The following NEBL variants were observed in gnomAD, a reference collection of about 807,000 sequenced individuals.
NEBL encodes nebulette.
NEBL carries 122 observed loss-of-function variants against 140.2 expected under a neutral mutation model. That is an observed-to-expected ratio of 0.87 (90% confidence interval 0.75 to 1.01). The LOEUF (loss-of-function observed/expected upper bound fraction) is 1.01. Ranked by LOEUF, NEBL falls within the 50% of genes least tolerant of loss-of-function variation. The probability of loss-of-function intolerance (pLI) is 0.00; values close to 1 mark genes in which losing one functional copy is unlikely to be tolerated. For missense variants in NEBL, 1,365 were observed against 1,231.3 expected, an observed-to-expected ratio of 1.11 and a Z score of -1.62; for synonymous variants, 436 against 398.9, an observed-to-expected ratio of 1.09 and a Z score of -1.11.
chr10:20,793,663 C>T (rs1028064650), intron 26 of NEBL, among the ~76,000 whole-genome samples: 2 of 151,942 alleles, frequency 1.3e-5, no homozygotes, highest in African/African-American at 2.4e-5. Context: ...AAGCGATCCT[C>T]CCACCACAGC....
intron 2 of NEBL, among the ~76,000 whole-genome samples, chr10:21,022,560 C>T (rs1044425303): frequency 1.3e-5 from 2 of 152,194 alleles, no homozygotes; most frequent in African/African-American, 4.8e-5. Context: ...GAGTTAACCC[C>T]ATAACTGCTG....
chr10:21,079,683 C>T (rs750258002), intron 2 of NEBL, among the ~76,000 whole-genome samples: 9 of 152,194 alleles, frequency 5.9e-5, no homozygotes, highest in Admixed American at 1.3e-4. Flanking sequence ...CTATCTGCCC[C>T]GTAAACACAC....
chr10:20,865,860 T>C (rs977324882), intron 7 of NEBL, among the ~76,000 whole-genome samples: 1 of 152,152 alleles, frequency 6.6e-6, no homozygotes, highest in Admixed American at 6.5e-5. Context: ...CAGGGAGCAG[T>C]TGTGTCCACT....
chr10:21,010,660 AG>A (rs1838303326), intron 3 of NEBL, among the ~76,000 whole-genome samples: 1 of 152,262 alleles, frequency 6.6e-6, no homozygotes, highest in Non-Finnish European at 1.5e-5. Flanking sequence ...ATTTCATAAA[AG>A]TATACAAATA....
At chr10:21,270,244 G>A (rs1457889102) in intron 1 of NEBL, among the ~76,000 whole-genome samples, 6 of 152,044 alleles carry the variant, frequency 3.9e-5, no homozygotes, top group African/African-American at 1.2e-4. Flanking sequence ...AGAAATTATC[G>A]TAAACCACAG....
At chr10:20,901,473 T>A (rs1010251938), upstream of NEBL, among the ~76,000 whole-genome samples, 4 of 152,128 alleles carry the variant, frequency 2.6e-5, no homozygotes, top group African/African-American at 9.7e-5. Flanking sequence ...TTCTCCTTTT[T>A]TTCATAATGA....
In NEBL at chr10:21,280,017, C is replaced by T. The variant is rs761994699; in HGVS notation, n.182+12813G>A. Reference sequence around the variant, plus strand: ...TGCCCAAACTCTAAAGCTTCTCTGCCGCTTAAGAGAAGCCAAAAAGTCCCC... The same window carrying T: ...TGCCCAAACTCTAAAGCTTCTCTGCTGCTTAAGAGAAGCCAAAAAGTCCCC... On this transcript the variant is annotated intron_variant and non_coding_transcript_variant, in intron 1 of 8. Coordinates refer to the NEBL transcript ENST00000675702. Among the ~76,000 whole-genome samples, 7 of 151,992 alleles carry T rather than the reference C, an allele frequency of 4.6e-5. No homozygotes were observed. In the East Asian group the frequency reaches 9.7e-4, roughly 21 times the overall value.
intron 2 of NEBL, among the ~76,000 whole-genome samples, chr10:21,032,712 A>G (rs1367780462): frequency 6.6e-6 from 1 of 152,204 alleles, no homozygotes; most frequent in Non-Finnish European, 1.5e-5. Flanking sequence ...CACGTGAAAT[A>G]CAAGCCCCAG....
chr10:21,160,289 C>CA (rs1393763987), intron 2 of NEBL, among the ~76,000 whole-genome samples: 7 of 152,152 alleles, frequency 4.6e-5, no homozygotes, highest in African/African-American at 1.7e-4. Flanking sequence ...ATCTTGAGTG[C>CA]TTTTTACGGG....
chr10:20,875,652 G>T (rs1042594354), intron 5 of NEBL, among the ~76,000 whole-genome samples: 1 of 152,132 alleles, frequency 6.6e-6, no homozygotes, highest in African/African-American at 2.4e-5. Context: ...GGAAGTCAAG[G>T]AGATGACTTT....
At position 20,827,202 on chromosome 10, in the gene NEBL, G is replaced by C. The variant is rs184582428; in HGVS notation, c.1777-663C>G. Among the ~76,000 whole-genome samples the C allele has an allele frequency of 1.5e-4, 23 of 152,304 alleles. No homozygotes were observed. The East Asian group carries it at 4.4e-3, about 29-fold the overall frequency. ...ATTATAAGAAAGGTAAATGAGGATA[G>C]AATTACTCCCTTTCTTGACATTTGG... On this transcript the variant is annotated intron_variant, in intron 17 of 27. Transcript: ENST00000377122.
chr10:20,966,730 G>A (rs1457802369), intron 3 of NEBL, among the ~76,000 whole-genome samples: 1 of 152,140 alleles, frequency 6.6e-6, no homozygotes, highest in Non-Finnish European at 1.5e-5. Flanking sequence ...AGTGGCAAAT[G>A]GAATTATTTA....
chr10:21,214,466 CACACACATGCACACACACGCGCACATT>C (rs1841958895), intron 3 of NEBL, among the ~76,000 whole-genome samples: 1 of 151,392 alleles, frequency 6.6e-6, no homozygotes, highest in South Asian at 2.1e-4. Flanking sequence ...ACACACATGG[CACACACATGCACACACACGCGCACATT>C]ACACACATGC....
chr10:20,873,039 C>T (rs181007757), intron 5 of NEBL, among the ~76,000 whole-genome samples: 15 of 152,210 alleles, frequency 9.9e-5, no homozygotes, highest in African/African-American at 2.4e-4. Flanking sequence ...GATCCAAGAA[C>T]GTCTTTTGGG....
intron 4 of NEBL, among the ~76,000 whole-genome samples, chr10:20,953,072 A>G (rs1835583153): frequency 6.6e-6 from 1 of 152,168 alleles, no homozygotes; most frequent in African/African-American, 2.4e-5. Context: ...TTTCCCTGTT[A>G]TACATGCAGA....
intron 2 of NEBL, chr10:21,113,309 A>G (rs1838130468): frequency 3.1e-6 from 1 of 324,260 alleles, no homozygotes; most frequent in Non-Finnish European, 5.8e-6. Context: ...AAAAAAAACC[A>G]GGAAAAAACT....
intron 9 of NEBL, among the ~76,000 whole-genome samples, chr10:20,856,072 G>A (rs1182919013): frequency 3.3e-5 from 5 of 152,128 alleles, no homozygotes; most frequent in Non-Finnish European, 7.4e-5. Context: ...AACTTTGTAA[G>A]GAGACACTTC....
At chr10:21,239,766 C>A (rs776941895) in intron 3 of NEBL, among the ~76,000 whole-genome samples, 18 of 152,038 alleles carry the variant, frequency 1.2e-4, no homozygotes, top group Non-Finnish European at 2.1e-4. Context: ...GCCTGTAATC[C>A]CAGCACTTTG....
At chr10:20,787,337 G>A in intron 26 of NEBL, 29 bp from the exon 27 acceptor site, 1 of 1,555,314 alleles carries the variant, frequency 6.4e-7, no homozygotes, top group Non-Finnish European at 8.8e-7. Context: ...CACACACAAA[G>A]ATTCCTTAAA....
Sources: gnomAD v4.1 joint callset for allele counts (sites outside exome capture counted in the v4.1 genomes callset) on GRCh38, gnomAD v4.1.1 for gene constraint, MANE v1.5 for transcripts, NCBI Gene and HGNC (gene_info 2026-07-23, HGNC 2026-07-21) for gene names.